BCAS3: variants seen among roughly 807,000 people sequenced by gnomAD.
The protein encoded by BCAS3 is BCAS3 microtubule associated cell migration factor.
BCAS3 carries 53 observed loss-of-function variants against 116.1 expected under a neutral mutation model. That is an observed-to-expected ratio of 0.46 (90% CI 0.37 to 0.57). The LOEUF is 0.57. Among genes scored for constraint, BCAS3 ranks in the 20% least tolerant of loss-of-function variants. The pLI is 0.00. For missense variants in BCAS3, 917 were observed against 1,165.4 expected (o/e 0.79, Z 3.10); for synonymous variants, 391 against 408.2 (o/e 0.96, Z 0.51).
chr17:61,351,393 A>G (rs2057835814), intron 22 of BCAS3, among the ~76,000 whole-genome samples: 1 of 152,226 alleles, frequency 6.6e-6, no homozygotes, highest in South Asian at 2.1e-4. Context: ...CACCAACCGA[A>G]GGCCAGCTGG....
At chr17:61,043,696 G>A (rs539536023) in intron 19 of BCAS3, among the ~76,000 whole-genome samples, 13 of 152,104 alleles carry the variant, frequency 8.5e-5, no homozygotes, top group Admixed American at 5.9e-4. Context: ...CAATCGAATG[G>A]TGTCTTGTCT....
At position 61,063,470 on chromosome 17, in the gene BCAS3, A is replaced by G. The variant is rs758973975; in HGVS notation, c.2030-11450A>G. ...TTTTTAGTAGAGACGGAGTTTCACCATGTTAGCCAGGATGGTCTCGATCTC... is the reference window on the plus strand; with the variant it reads ...TTTTTAGTAGAGACGGAGTTTCACCGTGTTAGCCAGGATGGTCTCGATCTC... On this transcript the variant is annotated intron_variant, in intron 19 of 23. Coordinates refer to ENST00000407086, the MANE Select transcript of BCAS3 (RefSeq NM_017679.5). This position sits in a 1 kb window ranked among gnomAD's most constrained non-coding sequence, Gnocchi z 5.3. 8.6e-5 allele frequency among the ~76,000 whole-genome samples: 13 copies of G among 151,916 alleles called. No homozygotes were observed. Among genetic ancestry groups the G allele is most frequent in the African/African-American group, 1.2e-4 (5 of 41,350 alleles).
intron 2 of BCAS3, among the ~76,000 whole-genome samples, chr17:60,681,078 G>T (rs1301765192): frequency 6.6e-6 from 1 of 152,140 alleles, no homozygotes; most frequent in Non-Finnish European, 1.5e-5. Flanking sequence ...TGTGGCAGGC[G>T]CCTGGAGCCT....
At position 61,203,798 on chromosome 17, in the gene BCAS3, G is replaced by A. The variant is rs1322458803; in HGVS notation, c.2425+119234G>A. On this transcript the variant is annotated intron_variant, in intron 22 of 23. Transcript: ENST00000407086. The surrounding 1 kb of genome is among the most constrained non-coding windows in gnomAD (Gnocchi z 5.7). ...TGTCACTCTGCAGAGAATGTTTTCA[G>A]TATACGAGTGTCCTCTCCTTGGCAC... is the stretch of plus-strand genomic sequence containing the variant. 2.0e-5 allele frequency among the ~76,000 whole-genome samples: 3 copies of A among 152,052 alleles called. No homozygotes were observed. Among genetic ancestry groups the A allele is most frequent in the Non-Finnish European group, 2.9e-5 (2 of 68,026 alleles).
chr17:60,697,426 C>A (rs73332366), intron 4 of BCAS3, among the ~76,000 whole-genome samples: 10,619 of 151,166 alleles, frequency 0.07, 1,239 homozygotes, highest in African/African-American at 0.24. Context: ...AAATAAATAA[C>A]TAAAAAATAA....
At chr17:60,849,523 A>G (rs914132056) in intron 7 of BCAS3, among the ~76,000 whole-genome samples, 13 of 152,166 alleles carry the variant, frequency 8.5e-5, no homozygotes, top group Non-Finnish European at 1.6e-4. Context: ...TCTTATGAAG[A>G]AAATAAGACT....
At chr17:60,681,632 A>G (rs920918526) in intron 2 of BCAS3, among the ~76,000 whole-genome samples, 1 of 148,084 alleles carries the variant, frequency 6.8e-6, no homozygotes, top group Non-Finnish European at 1.5e-5. Context: ...GCTCACTGCA[A>G]CCTCCGCCTT....
intron 5 of BCAS3, among the ~76,000 whole-genome samples, chr17:60,714,970 C>T (rs972760519): frequency 2.6e-5 from 4 of 152,026 alleles, no homozygotes; most frequent in African/African-American, 9.7e-5. Context: ...TCAACCATCC[C>T]TAACAATGTT....
chr17:60,701,834 C>T (rs974164225), intron 4 of BCAS3, among the ~76,000 whole-genome samples: 74 of 139,958 alleles, frequency 5.3e-4, no homozygotes, highest in African/African-American at 2.3e-3. Flanking sequence ...AAAAGCCAGG[C>T]GTGGTGGCAC....
intron 22 of BCAS3, among the ~76,000 whole-genome samples, chr17:61,090,892 C>T (rs967589309): frequency 2.6e-5 from 4 of 152,064 alleles, no homozygotes; most frequent in Non-Finnish European, 5.9e-5. Flanking sequence ...CCTGACCTCG[C>T]GATCCACATG....
intron 7 of BCAS3, among the ~76,000 whole-genome samples, chr17:60,817,491 C>G (rs867445782): frequency 6.6e-6 from 1 of 152,144 alleles, no homozygotes; most frequent in African/African-American, 2.4e-5. Flanking sequence ...ACACACATTA[C>G]GTGAAAATAT....
Position 61,004,761 on chromosome 17 carries a change from T to A in BCAS3, c.1487-10990T>A, listed in dbSNP as rs2064531861. On this transcript the variant is annotated intron_variant, in intron 15 of 23. Transcript: ENST00000407086. This position sits in a 1 kb window ranked among gnomAD's most constrained non-coding sequence, Gnocchi z 4.8. ...TGATGTGTTTTTGCAGGTGAGAATA[T>A]TGAAGCTAGAATGAGGCACAAGAGG... Among the ~76,000 whole-genome samples the A allele has an allele frequency of 6.6e-6, 1 of 152,092 alleles. No individual in the cohort carries two copies. Among genetic ancestry groups the A allele is most frequent in the Non-Finnish European group, 1.5e-5 (1 of 67,986 alleles).
At chr17:60,959,234 G>A (rs954874011) in intron 14 of BCAS3, among the ~76,000 whole-genome samples, 1 of 152,048 alleles carries the variant, frequency 6.6e-6, no homozygotes, top group Admixed American at 6.6e-5. Flanking sequence ...TTGAGCCTGG[G>A]AGGTCAAGAC....
intron 7 of BCAS3, among the ~76,000 whole-genome samples, chr17:60,809,287 A>AG (rs913273352): frequency 6.8e-6 from 1 of 147,226 alleles, no homozygotes; most frequent in Non-Finnish European, 1.5e-5. Flanking sequence ...AAAAAAAAAA[A>AG]GAGAGAGTTT....
chr17:60,874,624 T>C, intron 8 of BCAS3, 38 bp from the exon 9 acceptor site: 1 of 1,461,838 alleles, frequency 6.8e-7, no homozygotes, highest in Non-Finnish European at 9.5e-7. Flanking sequence ...TCACATTCAC[T>C]TTTTTTCTTT....
intron 22 of BCAS3, among the ~76,000 whole-genome samples, chr17:61,152,611 T>A (rs534610676): frequency 9.9e-5 from 15 of 152,154 alleles, no homozygotes; most frequent in African/African-American, 3.6e-4. Flanking sequence ...AGAATGCTGG[T>A]AGAGGAGGTA....
Position 61,131,065 on chromosome 17 carries a change from G to GA in BCAS3, c.2425+46510dup, listed in dbSNP as rs372048980. Among the ~76,000 whole-genome samples, 12 of 150,124 alleles carry GA rather than the reference G, an allele frequency of 8.0e-5. No homozygotes were observed. Among genetic ancestry groups the GA allele is most frequent in the Non-Finnish European group, 1.6e-4 (11 of 67,466 alleles). ...AGCAAGACTCTGTCTCAAAAAGGGGGAAAAAAAAAGATGTTGGAGACCTAG... is the reference window on the plus strand; with the variant it reads ...AGCAAGACTCTGTCTCAAAAAGGGGGAAAAAAAAAAGATGTTGGAGACCTAG... On this transcript the variant is annotated intron_variant, in intron 22 of 23. Transcript: ENST00000407086. The surrounding 1 kb of genome is among the most constrained non-coding windows in gnomAD (Gnocchi z 4.4).
At chr17:60,817,279 T>C (rs1332117092) in intron 7 of BCAS3, among the ~76,000 whole-genome samples, 1 of 152,236 alleles carries the variant, frequency 6.6e-6, no homozygotes, top group Non-Finnish European at 1.5e-5. Context: ...ATCCAGAAAC[T>C]AAGGCAGTGT....
rs1174682077 is a variant in BCAS3 at position 61,130,134 on chromosome 17, A to G, written c.2425+45570A>G. Among the ~76,000 whole-genome samples, 1 of 152,240 alleles carries G rather than the reference A, an allele frequency of 6.6e-6. No individual in the cohort carries two copies. The highest frequency in any genetic ancestry group is 1.5e-5 in the Non-Finnish European group (1 of 68,040). ...ACATCTGTCCAGTTGTTGTAATCAC[A>G]TATTTGGTGGACAGCTAAAAGACCC... On this transcript the variant is annotated intron_variant, in intron 22 of 23. Transcript: ENST00000407086. The surrounding 1 kb of genome is among the most constrained non-coding windows in gnomAD (Gnocchi z 5.0).
Sources: allele counts gnomAD v4.1 joint callset (sites outside exome capture counted in the v4.1 genomes callset), GRCh38; gene constraint gnomAD v4.1.1; non-coding constraint Gnocchi (gnomAD v3.1); transcripts MANE v1.5; gene names NCBI Gene and HGNC (gene_info 2026-07-23, HGNC 2026-07-21).